SRPRB: variants seen among roughly 807,000 people sequenced by gnomAD.
SRPRB encodes the protein SRP receptor subunit beta, also known as signal recognition particle receptor subunit beta.
SRPRB carries 20 observed loss-of-function variants against 31.9 expected under a neutral mutation model. That is an observed-to-expected ratio of 0.63 (90% CI 0.44 to 0.91). The LOEUF is 0.91. Ranked by LOEUF, SRPRB falls within the 40% of genes least tolerant of loss-of-function variation. The pLI, the probability that SRPRB is intolerant of heterozygous loss-of-function variation, is 0.00. For missense variants in SRPRB, 321 were observed against 324.9 expected (o/e 0.99, Z 0.09); for synonymous variants, 146 against 132.8 (o/e 1.10, Z -0.68).
chr3:133,809,488 G>GT (rs796412677), intron 3 of SRPRB, among the ~76,000 whole-genome samples: 2,638 of 147,872 alleles, frequency 0.018, 64 homozygotes, highest in African/African-American at 0.058. Context: ...CGATATCTTT[G>GT]TTTTTTTTTT....
At chr3:133,827,797 C>A, downstream of SRPRB, 1 of 351,294 alleles carries the variant, frequency 2.8e-6, no homozygotes, top group South Asian at 2.1e-5. Context: ...CCAGGTGGTC[C>A]AGCTTCCCTG....
chr3:133,794,120 G>A (rs994120761), intron 1 of SRPRB: 5 of 152,286 alleles, frequency 3.3e-5, no homozygotes, highest in South Asian at 2.1e-4. Flanking sequence ...AAGAGGATAT[G>A]AGTCTAATGT....
chr3:133,822,178 C>A (rs932909514), downstream of SRPRB, among the ~76,000 whole-genome samples: 1 of 152,058 alleles, frequency 6.6e-6, no homozygotes, highest in Non-Finnish European at 1.5e-5. Context: ...GCCAACTAGG[C>A]ACGACTGTAT....
At chr3:133,802,256 A>G (rs577866406), upstream of SRPRB, among the ~76,000 whole-genome samples, 1 of 151,912 alleles carries the variant, frequency 6.6e-6, no homozygotes, top group African/African-American at 2.4e-5. Context: ...ATAAAAATAA[A>G]AAAACTACCT....
At chr3:133,821,500 C>G (rs1935473732), downstream of SRPRB, 1 of 152,170 alleles carries the variant, frequency 6.6e-6, no homozygotes, top group Non-Finnish European at 1.5e-5. Flanking sequence ...GCATGTGTCC[C>G]TCTCAGCCTC....
In SRPRB at chr3:133,819,797, T is replaced by C. The variant is rs767505659; in HGVS notation, c.*31T>C. 1 of 1,600,242 alleles carries C rather than the reference T, an allele frequency of 6.2e-7. No individual in the cohort carries two copies. The highest frequency in any genetic ancestry group is 8.5e-7 in the Non-Finnish European group (1 of 1,170,774). ...AGCTCTAAAGCACAAGACCTGGATG[T>C]GTGACACACAGTTTTGGAAAAAGGT... On this transcript the variant is annotated 3_prime_UTR_variant, in exon 7 of 7. Coordinates refer to ENST00000678299, the MANE Select transcript of SRPRB (RefSeq NM_001379313.1).
chr3:133,811,587 T>G (rs896279909), intron 4 of SRPRB, among the ~76,000 whole-genome samples: 2 of 130,094 alleles, frequency 1.5e-5, no homozygotes, highest in African/African-American at 2.9e-5. Flanking sequence ...AGTGTTTTTT[T>G]GTTTTTTTTT....
chr3:133,806,545 A>C lies in SRPRB; in HGVS notation c.155-64A>C, dbSNP rs1002362136. 4.8e-5 allele frequency: 59 copies of C among 1,241,602 alleles called. No homozygotes were observed. In the African/African-American group the frequency reaches 6.7e-4, roughly 14 times the overall value. The allele number at this position is 1,241,602 out of a possible 1,614,324, so 76.9% of individuals were successfully genotyped here. ...AGACTTCTGTGAATTTCCCCACCCC[A>C]GCCATGCACATATACTGATTCCCAA... On this transcript the variant is annotated intron_variant, in intron 1 of 6. Transcript: ENST00000678299.
In SRPRB at chr3:133,811,181, G is replaced by T. The variant is rs778731077; in HGVS notation, c.392G>T (p.Arg131Leu). The T allele has an allele frequency of 6.2e-7, 1 of 1,614,166 alleles. No homozygotes were observed. Among genetic ancestry groups the T allele is most frequent in the Non-Finnish European group, 8.5e-7 (1 of 1,180,014 alleles). The change falls in exon 4 of 7, where the codon CGG (arginine) becomes CTG (leucine). Residue 131 changes from arginine (R) to leucine (L), a missense_variant. By Grantham distance (102) the Arg-to-Leu change is moderately radical. Coordinates refer to ENST00000678299, the MANE Select transcript of SRPRB (RefSeq NM_001379313.1). ...HESLRLQFLE[R>L]FKSSARAIVF... is the part of the protein sequence containing the mutation. ...AGTTTGAGGCTTCAGTTCTTAGAGCGGTTTAAGTCTTCAGCCAGGTAAGAA... is the reference window on the plus strand; with the variant it reads ...AGTTTGAGGCTTCAGTTCTTAGAGCTGTTTAAGTCTTCAGCCAGGTAAGAA...
intron 3 of SRPRB, 172 bp from the exon 4 acceptor site, chr3:133,810,945 G>T: frequency 1.9e-6 from 1 of 531,184 alleles, no homozygotes. Flanking sequence ...CGTGTCTTTG[G>T]CCACTGTTAC....
At chr3:133,790,933 T>C (rs1934815117) in intron 1 of SRPRB, 1 of 152,170 alleles carries the variant, frequency 6.6e-6, no homozygotes, top group South Asian at 2.1e-4. Context: ...GCCTCCAGGG[T>C]AGATTGAGAA....
chr3:133,805,550 T>G, upstream of SRPRB: 2 of 274,318 alleles, frequency 7.3e-6, no homozygotes, highest in Non-Finnish European at 1.4e-5. Flanking sequence ...TCGGGAGCCA[T>G]TCATTCATTT....
At position 133,819,626 on chromosome 3, in the gene SRPRB, G is replaced by C. The variant is rs1375472970; in HGVS notation, c.676G>C (p.Gly226Arg). 1 of 1,614,048 alleles carries C rather than the reference G, an allele frequency of 6.2e-7. No individual in the cohort carries two copies. Among genetic ancestry groups the C allele is most frequent in the Non-Finnish European group, 8.5e-7 (1 of 1,180,042 alleles). Residue 226 changes from glycine to arginine, a missense_variant, in exon 7 of 7, where the codon GGG (glycine) becomes CGG (arginine). Transcript: ENST00000678299. ...DSSSTAPAQLGKKGKEFEFSQ... is the reference protein window; with the variant it reads ...DSSSTAPAQLRKKGKEFEFSQ... Reference sequence around the variant, plus strand: ...TTCCAGCACTGCCCCTGCTCAGCTGGGGAAGAAAGGCAAAGAGTTTGAATT... The same window carrying C: ...TTCCAGCACTGCCCCTGCTCAGCTGCGGAAGAAAGGCAAAGAGTTTGAATT...
intron 3 of SRPRB, among the ~76,000 whole-genome samples, chr3:133,810,059 T>C (rs1161888896): frequency 6.6e-6 from 1 of 152,148 alleles, no homozygotes; most frequent in Non-Finnish European, 1.5e-5. Flanking sequence ...ATATACCTAG[T>C]AATGTATCTT....
downstream of SRPRB, chr3:133,824,316 C>G (rs1010653521): frequency 2.6e-5 from 4 of 152,328 alleles, no homozygotes; most frequent in Non-Finnish European, 5.9e-5. Flanking sequence ...AATGTGAAAT[C>G]AACATGGCGG....
At chr3:133,827,623 C>G (rs1268340627), downstream of SRPRB, 2 of 476,166 alleles carry the variant, frequency 4.2e-6, no homozygotes, top group Admixed American at 3.6e-5. Context: ...AAGACTTCAA[C>G]TGCGCCATGC....
rs1935269890 is a variant in SRPRB, at chr3:133,811,901, C to T, written c.410+702C>T. ...CTGGCCCATATATATTCTCAAATTACGTAAAATTGATGTTTCAAGAAGTAC... is the reference window on the plus strand; with the variant it reads ...CTGGCCCATATATATTCTCAAATTATGTAAAATTGATGTTTCAAGAAGTAC... On this transcript the variant is annotated intron_variant, in intron 4 of 6. Coordinates refer to ENST00000678299, the MANE Select transcript of SRPRB (RefSeq NM_001379313.1). Among the ~76,000 whole-genome samples, 4 of 152,092 alleles carry T rather than the reference C, an allele frequency of 2.6e-5. No individual in the cohort carries two copies. In the South Asian group the frequency reaches 6.2e-4, roughly 24 times the overall value.
intron 6 of SRPRB, among the ~76,000 whole-genome samples, chr3:133,818,714 C>T (rs963018162): frequency 4.6e-5 from 7 of 152,028 alleles, no homozygotes; most frequent in Non-Finnish European, 8.8e-5. Context: ...GCCCCTGTTT[C>T]TCCCCAAAAG....
At chr3:133,786,624 T>A (rs1934694166) in intron 1 of SRPRB, 1 of 152,214 alleles carries the variant, frequency 6.6e-6, no homozygotes, top group Non-Finnish European at 1.5e-5. Flanking sequence ...CAAAAGTAGT[T>A]AGTAAACTAA....
Sources: allele counts gnomAD v4.1 joint callset (sites outside exome capture counted in the v4.1 genomes callset), GRCh38; gene constraint gnomAD v4.1.1; transcripts MANE v1.5; gene names NCBI Gene and HGNC (gene_info 2026-07-23, HGNC 2026-07-21).